The following MAST4 variants were observed in gnomAD, a reference collection of about 807,000 sequenced individuals.
The protein encoded by MAST4 is microtubule associated serine/threonine kinase family member 4.
A neutral mutation model predicts 162.7 loss-of-function variants in MAST4; 89 were observed. The ratio of observed to expected loss-of-function variants is 0.55; its 90% CI spans 0.46 to 0.65. The LOEUF is 0.65. Among genes scored for constraint, MAST4 ranks in the 30% least tolerant of loss-of-function variants. The probability of loss-of-function intolerance (pLI) is 0.00; values close to 1 mark genes in which losing one functional copy is unlikely to be tolerated. For missense variants in MAST4, 3,153 were observed against 3,374.0 expected (o/e 0.93, Z 1.62); for synonymous variants, 1,479 against 1,361.1 (o/e 1.09, Z -1.91).
intron 5 of MAST4, among the ~76,000 whole-genome samples, chr5:67,077,115 G>T (rs758916704): frequency 6.6e-6 from 1 of 152,148 alleles, no homozygotes; most frequent in African/African-American, 2.4e-5. Context: ...GCCTGGTCTG[G>T]CCTATATCTT....
chr5:66,637,688 T>A (rs1745213199), intron 1 of MAST4, among the ~76,000 whole-genome samples: 1 of 152,172 alleles, frequency 6.6e-6, no homozygotes, highest in African/African-American at 2.4e-5. Flanking sequence ...GATAGAAAGT[T>A]TTGATATATC....
At chr5:67,045,552 T>A (rs1203042108) in intron 4 of MAST4, among the ~76,000 whole-genome samples, 1 of 152,226 alleles carries the variant, frequency 6.6e-6, no homozygotes, top group Admixed American at 6.5e-5. Context: ...AAGGACTGCA[T>A]ATACACAGGT....
chr5:66,800,593 A>G (rs1377604580), intron 3 of MAST4, among the ~76,000 whole-genome samples: 1 of 152,092 alleles, frequency 6.6e-6, no homozygotes, highest in Non-Finnish European at 1.5e-5. Flanking sequence ...ACTAATGGGT[A>G]CTGGGATTAA....
At chr5:66,848,459 G>T (rs113998900) in intron 3 of MAST4, among the ~76,000 whole-genome samples, 2,084 of 151,888 alleles carry the variant, frequency 0.014, 47 homozygotes, top group African/African-American at 0.046. Context: ...TTTTTTGTTT[G>T]TTTGTTTACT....
intron 3 of MAST4, among the ~76,000 whole-genome samples, chr5:66,880,093 A>G (rs980751686): frequency 1.3e-5 from 2 of 152,240 alleles, no homozygotes; most frequent in Non-Finnish European, 2.9e-5. Context: ...ATGGAATACC[A>G]TACAGCTATG....
At chr5:66,756,634 A>T (rs563492365) in intron 1 of MAST4, among the ~76,000 whole-genome samples, 8 of 152,372 alleles carry the variant, frequency 5.3e-5, no homozygotes, top group South Asian at 4.1e-4. Flanking sequence ...GTGTCTTAAA[A>T]GGGATCATGA....
rs185960680 is a variant in MAST4 at position 66,950,093 on chromosome 5, C to G, written c.674+50111C>G. Among the ~76,000 whole-genome samples, 406 of 152,178 alleles carry G rather than the reference C, an allele frequency of 2.7e-3. 1 individual carries two copies. The highest frequency in any genetic ancestry group is 0.01 in the Middle Eastern group (3 of 294). ...TAGAACTCCCCTTTGAAAATCCTGC[C>G]ACTACCTCACCCCACCCTACCCCAT... On this transcript the variant is annotated intron_variant, in intron 4 of 28. Transcript: ENST00000403625.
At position 67,133,721 on chromosome 5, in the gene MAST4, T is replaced by C. The variant is rs534871217; in HGVS notation, c.2226+75T>C. On this transcript the variant is annotated intron_variant, in intron 17 of 28. Transcript: ENST00000403625. Reference sequence around the variant, plus strand: ...GCCAGTGAAGTTCAGAATCAACTTGTGTGGGCCATCTTCACATTAGTGCTG... The same window carrying C: ...GCCAGTGAAGTTCAGAATCAACTTGCGTGGGCCATCTTCACATTAGTGCTG... 6.7e-5 allele frequency: 101 copies of C among 1,515,010 alleles called. 1 individual carries two copies. In the South Asian group the frequency reaches 1.2e-3, roughly 18 times the overall value. The allele number at this position is 1,515,010 out of a possible 1,614,324, so 93.8% of individuals were successfully genotyped here.
At chr5:66,738,155 C>A (rs1374533154) in intron 1 of MAST4, 1 of 152,304 alleles carries the variant, frequency 6.6e-6, no homozygotes, top group East Asian at 1.9e-4. Flanking sequence ...TGCTTTATAT[C>A]CATTGTGAGT....
chr5:66,693,001 T>G (rs1749148252), intron 1 of MAST4, among the ~76,000 whole-genome samples: 1 of 133,836 alleles, frequency 7.5e-6, no homozygotes, highest in East Asian at 2.3e-4. Flanking sequence ...TTTTTTTTTT[T>G]GCTTCACTAA....
chr5:66,982,518 T>C (rs1383615017), intron 4 of MAST4, among the ~76,000 whole-genome samples: 1 of 151,948 alleles, frequency 6.6e-6, no homozygotes, highest in African/African-American at 2.4e-5. Context: ...CTGTTGGTAG[T>C]CAGGGATAAC....
chr5:67,033,311 TTCTC>T (rs1235674488), intron 4 of MAST4, among the ~76,000 whole-genome samples: 1 of 87,760 alleles, frequency 1.1e-5, no homozygotes, highest in Non-Finnish European at 2.2e-5. Flanking sequence ...GGGTTTTCAT[TTCTC>T]TGTGTGTGTG....
chr5:66,825,646 A>G (rs1182683052), intron 3 of MAST4, among the ~76,000 whole-genome samples: 1 of 152,180 alleles, frequency 6.6e-6, no homozygotes, highest in Non-Finnish European at 1.5e-5. Context: ...ATTTAATTGC[A>G]ATAATTCTTA....
intron 1 of MAST4, among the ~76,000 whole-genome samples, chr5:66,749,617 T>C (rs1192785741): frequency 2.0e-5 from 3 of 152,224 alleles, no homozygotes; most frequent in Non-Finnish European, 4.4e-5. Flanking sequence ...ATGATATTAA[T>C]AGTCATAGCT....
chr5:67,016,704 C>G (rs537697977), intron 4 of MAST4, among the ~76,000 whole-genome samples: 1 of 152,178 alleles, frequency 6.6e-6, no homozygotes, highest in African/African-American at 2.4e-5. Context: ...CTTATGGTGT[C>G]GCTCTGCACA....
intron 2 of MAST4, among the ~76,000 whole-genome samples, chr5:66,780,925 C>A (rs1179962115): frequency 3.3e-5 from 5 of 152,232 alleles, no homozygotes; most frequent in Admixed American, 6.5e-5. Flanking sequence ...CAAGTCCCCA[C>A]TCAGCCCAGG....
chr5:66,969,429 T>G (rs1194515129), intron 4 of MAST4, among the ~76,000 whole-genome samples: 1 of 152,218 alleles, frequency 6.6e-6, no homozygotes, highest in South Asian at 2.1e-4. Flanking sequence ...CCTACCTCGC[T>G]GGCAATGTAA....
rs578053067 is a variant in MAST4, at chr5:66,879,183, G to A, written c.643-20768G>A. ...AGTTCCAGCTACTCGGGAGGCTGAG[G>A]CAGGAGAATGGCGTGGACCCGGGAG... On this transcript the variant is annotated intron_variant, in intron 3 of 28. Coordinates refer to ENST00000403625, the MANE Select transcript of MAST4 (RefSeq NM_001164664.2). Among the ~76,000 whole-genome samples, 4 of 152,256 alleles carry A rather than the reference G, an allele frequency of 2.6e-5. No homozygotes were observed. The South Asian group carries it at 8.3e-4, about 32-fold the overall frequency.
intron 1 of MAST4, among the ~76,000 whole-genome samples, chr5:66,654,611 CA>C (rs1746431919): frequency 6.6e-6 from 1 of 152,128 alleles, no homozygotes; most frequent in Non-Finnish European, 1.5e-5. Flanking sequence ...AATTAATTAT[CA>C]AATAAAAATT....
Sources: allele counts gnomAD v4.1 joint callset (sites outside exome capture counted in the v4.1 genomes callset), GRCh38; gene constraint gnomAD v4.1.1; transcripts MANE v1.5; gene names NCBI Gene and HGNC (gene_info 2026-07-23, HGNC 2026-07-21).